The following CHST8 variants were observed in gnomAD, a reference collection of about 807,000 sequenced individuals.
The protein encoded by CHST8 is carbohydrate sulfotransferase 8.
In CHST8, 10 loss-of-function variants were observed where a neutral mutation model predicts 15.0. The ratio of observed to expected loss-of-function variants is 0.67; its 90% confidence interval spans 0.41 to 1.13. CHST8 has a LOEUF of 1.13. CHST8 is among the 50% of genes most tolerant of loss of function. The probability of loss-of-function intolerance (pLI) is 0.00; values close to 1 mark genes in which losing one functional copy is unlikely to be tolerated. For missense variants in CHST8, 634 were observed against 608.2 expected, an observed-to-expected ratio of 1.04 and a Z score of -0.45; for synonymous variants, 259 against 256.6, an observed-to-expected ratio of 1.01 and a Z score of -0.09.
At chr19:33,697,162 G>A (rs990323953) in intron 3 of CHST8, among the ~76,000 whole-genome samples, 14 of 151,744 alleles carry the variant, frequency 9.2e-5, no homozygotes, top group African/African-American at 3.1e-4. Context: ...TTTGAGAAAT[G>A]TCTATTCATG....
At chr19:33,687,584 C>G (rs1183270449) in intron 2 of CHST8, among the ~76,000 whole-genome samples, 1 of 152,142 alleles carries the variant, frequency 6.6e-6, no homozygotes, top group African/African-American at 2.4e-5. Flanking sequence ...GATAGCCCAG[C>G]GTCAGGTGCC....
chr19:33,691,068 CTGG>C (rs1973092563), intron 3 of CHST8, among the ~76,000 whole-genome samples: 2 of 152,180 alleles, frequency 1.3e-5, no homozygotes, highest in Admixed American at 6.5e-5. Context: ...TGGGACACTC[CTGG>C]ATGGGACTGT....
At chr19:33,702,266 G>A (rs528305681) in intron 3 of CHST8, among the ~76,000 whole-genome samples, 2 of 152,190 alleles carry the variant, frequency 1.3e-5, no homozygotes, top group African/African-American at 4.8e-5. Flanking sequence ...GATTATAGGC[G>A]TGAGCCACCA....
At chr19:33,762,505 G>A (rs1465613133) in intron 3 of CHST8, among the ~76,000 whole-genome samples, 4 of 152,240 alleles carry the variant, frequency 2.6e-5, no homozygotes. Context: ...AAACAAGTGC[G>A]GTCAGAGCCG....
At chr19:33,639,635 T>A (rs1972251775) in intron 1 of CHST8, among the ~76,000 whole-genome samples, 1 of 151,796 alleles carries the variant, frequency 6.6e-6, no homozygotes, top group Non-Finnish European at 1.5e-5. Flanking sequence ...AGTGTGGAGA[T>A]CGTTGATGGG....
At chr19:33,730,233 A>G (rs946192488) in intron 3 of CHST8, among the ~76,000 whole-genome samples, 10 of 152,210 alleles carry the variant, frequency 6.6e-5, no homozygotes, top group African/African-American at 2.4e-4. Flanking sequence ...GACAGTTTCA[A>G]AATGACATGC....
rs377072509 is a variant in CHST8, at chr19:33,739,484, A to G, written c.131-31929A>G. Reference sequence around the variant, plus strand: ...TGTTTGCAGTTGTTCATCCTAAATTACACTGTTGTTTTAGCCTGTTGTGTG... The same window carrying G: ...TGTTTGCAGTTGTTCATCCTAAATTGCACTGTTGTTTTAGCCTGTTGTGTG... On this transcript the variant is annotated intron_variant, in intron 3 of 4. Coordinates refer to ENST00000650847, the MANE Select transcript of CHST8 (RefSeq NM_001127895.2). Among the ~76,000 whole-genome samples, 45 of 152,332 alleles carry G rather than the reference A, an allele frequency of 3.0e-4. No homozygotes were observed. In the South Asian group the frequency reaches 9.3e-3, roughly 32 times the overall value.
At chr19:33,663,436 G>A (rs1002652525) in intron 1 of CHST8, among the ~76,000 whole-genome samples, 24 of 152,118 alleles carry the variant, frequency 1.6e-4, no homozygotes, top group Non-Finnish European at 2.6e-4. Context: ...CTGGTGACTC[G>A]TGCCTGTGGT....
chr19:33,690,100 G>A (rs1190226526), intron 3 of CHST8, among the ~76,000 whole-genome samples: 1 of 152,158 alleles, frequency 6.6e-6, no homozygotes, highest in Admixed American at 6.5e-5. Flanking sequence ...CAGCTGGCAG[G>A]GTGCCAAGGC....
intron 1 of CHST8, among the ~76,000 whole-genome samples, chr19:33,637,189 C>A (rs544304472): frequency 1.3e-5 from 2 of 152,134 alleles, no homozygotes; most frequent in Admixed American, 6.5e-5. Flanking sequence ...TTTACTGCAA[C>A]CTGTTTCATC....
At chr19:33,755,198 CCTT>C (rs1040635955) in intron 3 of CHST8, among the ~76,000 whole-genome samples, 76 of 152,326 alleles carry the variant, frequency 5.0e-4, no homozygotes, top group Middle Eastern at 3.4e-3. Context: ...GCACTGGAAA[CCTT>C]CTGATGCCCC....
chr19:33,745,608 G>A (rs1243980259), intron 3 of CHST8, among the ~76,000 whole-genome samples: 1 of 152,228 alleles, frequency 6.6e-6, no homozygotes, highest in African/African-American at 2.4e-5. Flanking sequence ...CTGGGAGGGA[G>A]GTGCCCTCTG....
intron 3 of CHST8, among the ~76,000 whole-genome samples, chr19:33,726,824 G>C (rs1339379776): frequency 6.6e-6 from 1 of 151,984 alleles, no homozygotes; most frequent in Non-Finnish European, 1.5e-5. Flanking sequence ...GGGGCTGAGG[G>C]GACAGTGCAT....
chr19:33,747,246 G>A (rs544529307), intron 3 of CHST8, among the ~76,000 whole-genome samples: 5 of 152,238 alleles, frequency 3.3e-5, no homozygotes, highest in Admixed American at 6.5e-5. Flanking sequence ...ACACTTCAGC[G>A]GGCAGGTGCG....
intron 3 of CHST8, among the ~76,000 whole-genome samples, chr19:33,721,369 C>A (rs1000191015): frequency 6.6e-6 from 1 of 152,154 alleles, no homozygotes; most frequent in African/African-American, 2.4e-5. Context: ...TCTCTGAACA[C>A]CCACAGTCAC....
chr19:33,772,102 T>C lies in CHST8; in HGVS notation c.314T>C (p.Leu105Pro), dbSNP rs1974998828. The change falls in exon 5 of 5, where the codon CTG (leucine) becomes CCG (proline). Residue 105 changes from leucine to proline, a missense_variant. Coordinates refer to ENST00000650847, the MANE Select transcript of CHST8 (RefSeq NM_001127895.2). ...PQPPLQRGTR[L>P]RLRQRRRRLL... ...CCCCCGCTGCAGAGGGGAACCCGTC[T>C]GCGGCTCCGCCAGCGCCGTCGCCGT... 6.2e-7 allele frequency: 1 copy of C among 1,611,724 alleles called. No homozygotes were observed. Among genetic ancestry groups the C allele is most frequent in the African/African-American group, 1.3e-5 (1 of 75,022 alleles).
intron 3 of CHST8, among the ~76,000 whole-genome samples, chr19:33,742,678 G>A (rs537549660): frequency 1.2e-3 from 177 of 152,276 alleles, no homozygotes; most frequent in Non-Finnish European, 1.9e-3. Context: ...ATTTTCTTGG[G>A]ACAGCTGATC....
At chr19:33,751,262 C>A (rs184930346) in intron 3 of CHST8, among the ~76,000 whole-genome samples, 1 of 152,092 alleles carries the variant, frequency 6.6e-6, no homozygotes, top group Non-Finnish European at 1.5e-5. Context: ...CGGCTTGGCT[C>A]GGTGTTGGGA....
chr19:33,744,006 G>A (rs548374872), intron 3 of CHST8, among the ~76,000 whole-genome samples: 1 of 151,864 alleles, frequency 6.6e-6, no homozygotes, highest in East Asian at 1.9e-4. Context: ...GACCAGGCTG[G>A]TCTCGAACTC....
Sources: gnomAD v4.1 joint callset for allele counts (sites outside exome capture counted in the v4.1 genomes callset) on GRCh38, gnomAD v4.1.1 for gene constraint, MANE v1.5 for transcripts, NCBI Gene and HGNC (gene_info 2026-07-23, HGNC 2026-07-21) for gene names.